TMEM108: variants seen among roughly 807,000 people sequenced by gnomAD.
TMEM108 encodes cancer/testis antigen 124.
TMEM108 carries 12 observed loss-of-function variants against 35.1 expected under a neutral mutation model. The observed-to-expected ratio is 0.34, with a 90% CI of 0.22 to 0.55. TMEM108 has a LOEUF of 0.55. TMEM108 is among the 20% of genes least tolerant of loss of function. The probability of loss-of-function intolerance (pLI) is 0.89; values close to 1 mark genes in which losing one functional copy is unlikely to be tolerated. For missense variants in TMEM108, 680 were observed against 753.3 expected, an observed-to-expected ratio of 0.90 and a Z score of 1.14; for synonymous variants, 287 against 308.6, an observed-to-expected ratio of 0.93 and a Z score of 0.73.
At chr3:133,377,789 G>A (rs1230416671) in intron 3 of TMEM108, among the ~76,000 whole-genome samples, 2 of 152,170 alleles carry the variant, frequency 1.3e-5, no homozygotes, top group African/African-American at 4.8e-5. Context: ...GGAGGCCGGT[G>A]AGCCAGCATC....
intron 3 of TMEM108, among the ~76,000 whole-genome samples, chr3:133,364,442 A>G (rs1022783510): frequency 6.6e-6 from 1 of 152,250 alleles, no homozygotes; most frequent in Non-Finnish European, 1.5e-5. Context: ...AGTGCCTCCA[A>G]CCATCACTGT....
At chr3:133,235,277 A>G (rs946385361) in intron 3 of TMEM108, among the ~76,000 whole-genome samples, 16 of 152,064 alleles carry the variant, frequency 1.1e-4, no homozygotes, top group Non-Finnish European at 1.8e-4. Flanking sequence ...GGAACCAAAA[A>G]AGAGCCTGCA....
At chr3:133,283,265 A>G (rs1365107794) in intron 3 of TMEM108, among the ~76,000 whole-genome samples, 1 of 152,210 alleles carries the variant, frequency 6.6e-6, no homozygotes, top group Non-Finnish European at 1.5e-5. Context: ...CAGATTAATA[A>G]CCCAGCATCC....
intron 2 of TMEM108, among the ~76,000 whole-genome samples, chr3:133,170,367 A>C (rs949098797): frequency 6.6e-6 from 1 of 152,214 alleles, no homozygotes; most frequent in African/African-American, 2.4e-5. Context: ...AAAAACTTGA[A>C]ATTTTCTAAG....
At chr3:133,277,332 T>G (rs1320223357) in intron 3 of TMEM108, among the ~76,000 whole-genome samples, 1 of 152,180 alleles carries the variant, frequency 6.6e-6, no homozygotes, top group Non-Finnish European at 1.5e-5. Context: ...AAAAATACAG[T>G]CATGCATATC....
At chr3:133,239,761 A>T (rs929876305) in intron 3 of TMEM108, among the ~76,000 whole-genome samples, 1 of 152,242 alleles carries the variant, frequency 6.6e-6, no homozygotes, top group South Asian at 2.1e-4. Flanking sequence ...ATCCAGGAGC[A>T]GGAGACGCTT....
intron 3 of TMEM108, among the ~76,000 whole-genome samples, chr3:133,241,295 C>T (rs1946309159): frequency 6.6e-6 from 1 of 152,228 alleles, no homozygotes; most frequent in Admixed American, 6.5e-5. Context: ...ATTGCCTTTG[C>T]AGCATCTTCT....
chr3:133,183,510 A>G (rs1945377385), intron 2 of TMEM108, among the ~76,000 whole-genome samples: 1 of 152,174 alleles, frequency 6.6e-6, no homozygotes, highest in Non-Finnish European at 1.5e-5. Flanking sequence ...GAAGGATGAT[A>G]TGATGTAAAA....
At chr3:133,370,871 AGTGTGTGTGTGTGTGTGTGTGTGTGT>A (rs71624013) in intron 3 of TMEM108, among the ~76,000 whole-genome samples, 4 of 125,464 alleles carry the variant, frequency 3.2e-5, no homozygotes, top group Admixed American at 8.3e-5. Flanking sequence ...CCCAGCCCAT[AGTGTGTGTGTGTGTGTGTGTGTGTGT>A]GTGTGTGTGT....
At chr3:133,325,906 T>G (rs2071327304) in intron 3 of TMEM108, among the ~76,000 whole-genome samples, 3 of 151,836 alleles carry the variant, frequency 2.0e-5, no homozygotes, top group African/African-American at 7.3e-5. Flanking sequence ...TAAAAGAGAG[T>G]CATTTTAGAG....
At chr3:133,078,169 G>A (rs1211263698) in intron 2 of TMEM108, among the ~76,000 whole-genome samples, 1 of 42,278 alleles carries the variant, frequency 2.4e-5, no homozygotes, top group Non-Finnish European at 4.7e-5. Context: ...GCACGCGCGC[G>A]CGCGCACACG....
intron 2 of TMEM108, among the ~76,000 whole-genome samples, chr3:133,123,856 G>A (rs1944383381): frequency 6.6e-6 from 1 of 152,158 alleles, no homozygotes; most frequent in African/African-American, 2.4e-5. Context: ...TAGTGGCCTT[G>A]CTTTCATTTT....
intron 3 of TMEM108, among the ~76,000 whole-genome samples, chr3:133,287,855 T>A (rs1947006961): frequency 6.6e-6 from 1 of 152,190 alleles, no homozygotes; most frequent in Admixed American, 6.6e-5. Flanking sequence ...GATAATCACT[T>A]AGGTTCAAGA....
intron 3 of TMEM108, among the ~76,000 whole-genome samples, chr3:133,339,186 A>G (rs900758942): frequency 1.3e-5 from 2 of 151,770 alleles, no homozygotes; most frequent in Non-Finnish European, 3.0e-5. Flanking sequence ...TAAAAAAAAA[A>G]CCAAGACCTA....
intron 3 of TMEM108, chr3:133,247,943 T>C (rs970043329): frequency 2.0e-5 from 3 of 152,116 alleles, no homozygotes; most frequent in South Asian, 2.1e-4. Context: ...CAGAGAGATA[T>C]AAAGCATAAT....
chr3:133,152,013 G>A (rs753383713), intron 2 of TMEM108, among the ~76,000 whole-genome samples: 2 of 152,060 alleles, frequency 1.3e-5, no homozygotes, highest in Admixed American at 6.6e-5. Context: ...TGCACAAATC[G>A]GGTGATGACG....
chr3:133,057,324 A>T (rs991773855), intron 2 of TMEM108, among the ~76,000 whole-genome samples: 1 of 150,896 alleles, frequency 6.6e-6, no homozygotes, highest in Non-Finnish European at 1.5e-5. Flanking sequence ...ATGTACTAAA[A>T]TAAGACTTTA....
At chr3:133,064,897 T>C (rs1268136478) in intron 2 of TMEM108, among the ~76,000 whole-genome samples, 1 of 152,164 alleles carries the variant, frequency 6.6e-6, no homozygotes, top group Non-Finnish European at 1.5e-5. Flanking sequence ...GGTTTACTGG[T>C]CTTTTTTCCA....
chr3:133,382,568 A>G (rs2107846054), intron 4 of TMEM108, among the ~76,000 whole-genome samples: 1 of 151,952 alleles, frequency 6.6e-6, no homozygotes, highest in South Asian at 2.1e-4. Flanking sequence ...CCGATGGTGG[A>G]CTCTTTCTTT....
Sources: allele counts gnomAD v4.1 joint callset (sites outside exome capture counted in the v4.1 genomes callset), GRCh38; gene constraint gnomAD v4.1.1; transcripts MANE v1.5; gene names NCBI Gene and HGNC (gene_info 2026-07-23, HGNC 2026-07-21).